SAMMSON: variants seen among roughly 807,000 people sequenced by gnomAD.
SAMMSON encodes the protein survival associated mitochondrial melanoma specific oncogenic non-coding RNA.
chr3:70,424,256 C>T (rs9864236), intron 2 of SAMMSON, among the ~76,000 whole-genome samples: 68,276 of 151,478 alleles, frequency 0.45, 15,638 homozygotes, highest in African/African-American at 0.53. Context: ...TACATAAAAG[C>T]TATGTGCTTA....
intron 4 of SAMMSON, among the ~76,000 whole-genome samples, chr3:70,180,703 C>A (rs950987994): frequency 6.6e-6 from 1 of 152,146 alleles, no homozygotes; most frequent in South Asian, 2.1e-4. Context: ...TACTCCGAAC[C>A]CATTTAGTCT....
Position 70,338,502 on chromosome 3 carries a change from C to G in SAMMSON, n.740-15673C>G, listed in dbSNP as rs139029690. On this transcript the variant is annotated intron_variant and non_coding_transcript_variant, in intron 7 of 9. Coordinates refer to ENST00000642114, the Ensembl canonical transcript of SAMMSON. ...TGACATGATTGTATATATAGAAAAC[C>G]CCATCATCTCAGCCAAAATCTCCTT... Among the ~76,000 whole-genome samples, 609 of 152,036 alleles carry G rather than the reference C, an allele frequency of 4.0e-3. 4 individuals carry two copies. The highest frequency in any genetic ancestry group is 6.4e-3 in the Admixed American group (97 of 15,260).
chr3:70,397,204 C>A (rs1466998093), intron 2 of SAMMSON, among the ~76,000 whole-genome samples: 3 of 152,106 alleles, frequency 2.0e-5, no homozygotes, highest in African/African-American at 7.2e-5. Context: ...TATGTGATAG[C>A]TATCATTTTA....
chr3:70,337,202 A>C (rs989603570), intron 7 of SAMMSON, among the ~76,000 whole-genome samples: 3 of 147,572 alleles, frequency 2.0e-5, no homozygotes, highest in Admixed American at 6.8e-5. Flanking sequence ...TTAATAATAT[A>C]TAATCTAACT....
At chr3:70,205,643 G>C (rs1476738065) in intron 4 of SAMMSON, 3 of 151,996 alleles carry the variant, frequency 2.0e-5, no homozygotes, top group Non-Finnish European at 4.4e-5. Context: ...TTTAAAAAAC[G>C]TGTCCAGTAC....
At chr3:70,309,722 A>G (rs1187777781) in intron 7 of SAMMSON, among the ~76,000 whole-genome samples, 1 of 152,198 alleles carries the variant, frequency 6.6e-6, no homozygotes, top group Admixed American at 6.5e-5. Context: ...ACTCATCCTG[A>G]TAATTCCCAA....
intron 2 of SAMMSON, among the ~76,000 whole-genome samples, chr3:70,410,900 G>C (rs1439800022): frequency 6.6e-6 from 1 of 152,038 alleles, no homozygotes; most frequent in Non-Finnish European, 1.5e-5. Context: ...ATAAGAAATT[G>C]GCATCTTTTA....
chr3:70,287,915 C>T (rs1303100474), intron 6 of SAMMSON, among the ~76,000 whole-genome samples: 1 of 151,782 alleles, frequency 6.6e-6, no homozygotes, highest in Non-Finnish European at 1.5e-5. Flanking sequence ...TCCCCTTTAT[C>T]ATTTTTTATT....
intron 4 of SAMMSON, among the ~76,000 whole-genome samples, chr3:70,219,677 T>C (rs984184925): frequency 1.3e-5 from 2 of 152,098 alleles, no homozygotes; most frequent in Non-Finnish European, 2.9e-5. Flanking sequence ...AATGACAGAA[T>C]TAAAATCTGC....
At chr3:70,091,318 T>C (rs1057363684) in intron 4 of SAMMSON, among the ~76,000 whole-genome samples, 1 of 152,172 alleles carries the variant, frequency 6.6e-6, no homozygotes, top group Non-Finnish European at 1.5e-5. Flanking sequence ...AATGCATTTG[T>C]ATTTCCCAGA....
At chr3:70,358,070 A>T (rs1436357076) in intron 8 of SAMMSON, among the ~76,000 whole-genome samples, 2 of 152,168 alleles carry the variant, frequency 1.3e-5, no homozygotes. Context: ...TTAAATTTGC[A>T]GTGGTTTTGT....
intron 7 of SAMMSON, among the ~76,000 whole-genome samples, chr3:70,297,711 A>AT (rs1163824180): frequency 2.6e-5 from 4 of 151,970 alleles, no homozygotes; most frequent in Middle Eastern, 6.8e-3. Flanking sequence ...GTTTATTATT[A>AT]TTTTTTTCCT....
chr3:70,237,305 C>A (rs1465317604), intron 4 of SAMMSON, among the ~76,000 whole-genome samples: 5 of 152,168 alleles, frequency 3.3e-5, no homozygotes, highest in Admixed American at 3.3e-4. Context: ...TATAGACAGA[C>A]CTCTATTAAT....
chr3:70,401,904 T>C (rs1186289699), intron 2 of SAMMSON, among the ~76,000 whole-genome samples: 2 of 152,218 alleles, frequency 1.3e-5, no homozygotes, highest in Non-Finnish European at 2.9e-5. Context: ...CTGAAGTTTA[T>C]TTTTATAAAC....
intron 3 of SAMMSON, chr3:70,015,106 C>G (rs1450958642): frequency 2.6e-5 from 4 of 152,228 alleles, no homozygotes; most frequent in Non-Finnish European, 5.9e-5. Flanking sequence ...CGGTGAAACC[C>G]TGTCTCTACT....
At chr3:70,109,082 T>G (rs7631644) in intron 4 of SAMMSON, among the ~76,000 whole-genome samples, 77,027 of 151,806 alleles carry the variant, frequency 0.51, 20,256 homozygotes, top group East Asian at 0.8. Flanking sequence ...TTCTCTTAGG[T>G]TATGATCTTA....
intron 4 of SAMMSON, among the ~76,000 whole-genome samples, chr3:70,129,060 TA>T (rs1161646968): frequency 2.0e-5 from 3 of 152,186 alleles, no homozygotes; most frequent in Non-Finnish European, 4.4e-5. Flanking sequence ...TATTTTCTAT[TA>T]AAAATAACAG....
intron 4 of SAMMSON, among the ~76,000 whole-genome samples, chr3:70,202,659 G>A (rs1193200922): frequency 2.0e-5 from 3 of 152,120 alleles, no homozygotes; most frequent in African/African-American, 7.2e-5. Flanking sequence ...ACAGTCAACA[G>A]TGGTGTTTTG....
chr3:70,387,418 G>A (rs748318418), intron 9 of SAMMSON, among the ~76,000 whole-genome samples: 8 of 152,090 alleles, frequency 5.3e-5, no homozygotes, highest in Non-Finnish European at 1.2e-4. Flanking sequence ...GTAATAGTAA[G>A]TAGTTCTCTA....
Sources: allele counts gnomAD v4.1 joint callset (sites outside exome capture counted in the v4.1 genomes callset), GRCh38; gene constraint gnomAD v4.1.1; transcripts MANE v1.5; gene names NCBI Gene and HGNC (gene_info 2026-07-23, HGNC 2026-07-21).